Variants in GAL3ST2 observed in about 807,000 individuals in gnomAD.
GAL3ST2 encodes galactose-3-O-sulfotransferase 2, also known as beta-galactose-3-O-sulfotransferase 2.
In GAL3ST2, 16 loss-of-function variants were observed where a neutral mutation model predicts 12.9. The observed-to-expected ratio is 1.24, with a 90% CI of 0.84 to 1.88. GAL3ST2 has a LOEUF of 1.88. Ranked by LOEUF, GAL3ST2 falls within the 40% of genes most tolerant of loss-of-function variation. GAL3ST2 has a pLI of 0.00. For synonymous variants in GAL3ST2, 302 were observed against 273.9 expected, an observed-to-expected ratio of 1.10 and a Z score of -1.01; for missense variants, 639 against 571.8, an observed-to-expected ratio of 1.12 and a Z score of -1.20.
At position 241,793,575 on chromosome 2, in the gene GAL3ST2, ATATG is replaced by A. The variant is rs1274125874; in HGVS notation, c.30-5488_30-5485del. ...TGTATGTATGTGTATATGTGTGCGT[ATATG>A]TGTATGTATGTATATGTGTATATGT... is the stretch of plus-strand genomic sequence containing the variant. On this transcript the variant is annotated intron_variant, in intron 1 of 3. Transcript: ENST00000192314. The surrounding 1 kb of genome is among the most constrained non-coding windows in gnomAD (Gnocchi z 4.7). Among the ~76,000 whole-genome samples the A allele has an allele frequency of 1.4e-4, 20 of 147,040 alleles. No individual in the cohort carries two copies. The highest frequency in any genetic ancestry group is 3.9e-4 in the African/African-American group (15 of 38,402).
rs147929032 is a variant in GAL3ST2 at position 241,793,369 on chromosome 2, A to G, written c.30-5696A>G. Among the ~76,000 whole-genome samples, 7 of 151,772 alleles carry G rather than the reference A, an allele frequency of 4.6e-5. No homozygotes were observed. Among genetic ancestry groups the G allele is most frequent in the South Asian group, 2.1e-4 (1 of 4,792 alleles). On this transcript the variant is annotated intron_variant, in intron 1 of 3. Transcript: ENST00000192314. The surrounding 1 kb of genome is among the most constrained non-coding windows in gnomAD (Gnocchi z 4.7). ...ATGTATGTGTGTGTATTGTGTGTGT[A>G]TGTATGTATTGTGTATGCATGTGTG... is the stretch of plus-strand genomic sequence containing the variant.
In GAL3ST2 at chr2:241,801,828, TC is replaced by T; in HGVS notation, c.169del (p.Leu57Ter). Reference sequence around the variant, plus strand: ...GGGCCGCCGGTCACCAACATCATGTTCCTGAAGACGCACAAGACGGCCAGCA... The same window carrying T: ...GGGCCGCCGGTCACCAACATCATGTTCTGAAGACGCACAAGACGGCCAGCA... Reference protein sequence around the residue: ...AEGPPVTNIMFLKTHKTASST... With the variant: ...AEGPPVTNIMXLKTHKTASST... On this transcript the variant is annotated frameshift_variant, in exon 3 of 4. Coordinates refer to ENST00000192314, the MANE Select transcript of GAL3ST2 (RefSeq NM_022134.3). LOFTEE classifies it high-confidence loss of function. The surrounding 1 kb of genome is among the most constrained non-coding windows in gnomAD (Gnocchi z 4.4). 6.2e-7 allele frequency: 1 copy of T among 1,612,876 alleles called. No individual in the cohort carries two copies. The highest frequency in any genetic ancestry group is 1.3e-5 in the African/African-American group (1 of 75,034).
At chr2:241,783,412 T>TTTCTAATATGAAA (rs1320049374) in intron 1 of GAL3ST2, among the ~76,000 whole-genome samples, 1 of 152,176 alleles carries the variant, frequency 6.6e-6, no homozygotes, top group African/African-American at 2.4e-5. Flanking sequence ...ATTATTTCCC[T>TTTCTAATATGAAA]TTAAGCTTTC....
rs1699868146 is a variant in GAL3ST2 at position 241,802,632 on chromosome 2, C to T, written c.375+596C>T. Among the ~76,000 whole-genome samples, 1 of 28,628 alleles carries T rather than the reference C, an allele frequency of 3.5e-5. No homozygotes were observed. The highest frequency in any genetic ancestry group is 1.2e-3 in the South Asian group (1 of 828). 18.8% of individuals were successfully genotyped at this position (28,628 alleles called of 152,430 possible). On this transcript the variant is annotated intron_variant, in intron 3 of 3. Coordinates refer to ENST00000192314, the MANE Select transcript of GAL3ST2 (RefSeq NM_022134.3). The surrounding 1 kb of genome is among the most constrained non-coding windows in gnomAD (Gnocchi z 4.8). ...GGGGTGTGCTGTGGGGTGGGGGCTG[C>T]GGGGCAGAGGGAGGAGGAGGGGCCG...
Position 241,800,256 on chromosome 2 carries a change from G to A in GAL3ST2, c.119+1102G>A, listed in dbSNP as rs892196985. 2.6e-5 allele frequency among the ~76,000 whole-genome samples: 4 copies of A among 151,850 alleles called. No individual in the cohort carries two copies. The highest frequency in any genetic ancestry group is 1.9e-4 in the East Asian group (1 of 5,162). The stretch of plus-strand genomic sequence containing the variant: ...TCATGACATCTATGAATGTGGAGAG[G>A]ACACTTTGTTTCTTAAAAAGTGTGG... On this transcript the variant is annotated intron_variant, in intron 2 of 3. Coordinates refer to ENST00000192314, the MANE Select transcript of GAL3ST2 (RefSeq NM_022134.3). The surrounding 1 kb of genome is among the most constrained non-coding windows in gnomAD (Gnocchi z 5.2).
At chr2:241,787,396 G>A (rs933091822) in intron 1 of GAL3ST2, among the ~76,000 whole-genome samples, 1 of 152,086 alleles carries the variant, frequency 6.6e-6, no homozygotes, top group Admixed American at 6.6e-5. Flanking sequence ...AAATCTATTG[G>A]TGCTTGGTAT....
At position 241,802,767 on chromosome 2, in the gene GAL3ST2, C is replaced by T. The variant is rs1371915696; in HGVS notation, c.376-578C>T. Among the ~76,000 whole-genome samples, 2 of 152,062 alleles carry T rather than the reference C, an allele frequency of 1.3e-5. No individual in the cohort carries two copies. The highest frequency in any genetic ancestry group is 1.3e-4 in the Admixed American group (2 of 15,282). ...CGGTGTAGTTGGGCGTGACTTTCTG[C>T]AAGACTTTACTTTCTGTGGGTGGGG... On this transcript the variant is annotated intron_variant, in intron 3 of 3. Coordinates refer to ENST00000192314, the MANE Select transcript of GAL3ST2 (RefSeq NM_022134.3). The surrounding 1 kb of genome is among the most constrained non-coding windows in gnomAD (Gnocchi z 4.8).
chr2:241,781,918 C>T (rs1233157183), intron 1 of GAL3ST2, among the ~76,000 whole-genome samples: 1 of 152,250 alleles, frequency 6.6e-6, no homozygotes, highest in East Asian at 1.9e-4. Flanking sequence ...AAGGTGGTAA[C>T]TCAAGGATTT....
At chr2:241,792,009 T>C (rs1411555589) in intron 1 of GAL3ST2, among the ~76,000 whole-genome samples, 2 of 149,486 alleles carry the variant, frequency 1.3e-5, no homozygotes, top group Non-Finnish European at 3.0e-5. Flanking sequence ...TTCTTTTCTT[T>C]CTTTCTTTTT....
chr2:241,793,738 A>G lies in GAL3ST2; in HGVS notation c.30-5327A>G, dbSNP rs1699735338. Among the ~76,000 whole-genome samples the G allele has an allele frequency of 6.7e-6, 1 of 149,950 alleles. No individual in the cohort carries two copies. The highest frequency in any genetic ancestry group is 2.1e-4 in the South Asian group (1 of 4,714). The stretch of plus-strand genomic sequence containing the variant: ...TGTATGCATGTGTGTATGTGTGTAT[A>G]TGTATGTGTGTGTGTATTGTGTATG... On this transcript the variant is annotated intron_variant, in intron 1 of 3. Coordinates refer to ENST00000192314, the MANE Select transcript of GAL3ST2 (RefSeq NM_022134.3). This position sits in a 1 kb window ranked among gnomAD's most constrained non-coding sequence, Gnocchi z 4.7.
intron 1 of GAL3ST2, among the ~76,000 whole-genome samples, chr2:241,797,659 G>C (rs1268015098): frequency 1.3e-5 from 2 of 151,948 alleles, no homozygotes; most frequent in Non-Finnish European, 2.9e-5. Flanking sequence ...CCATGGCAGC[G>C]CAGGAATGGT....
Position 241,794,181 on chromosome 2 carries a change from CAATT to C in GAL3ST2, c.30-4883_30-4880del, listed in dbSNP as rs558662937. Among the ~76,000 whole-genome samples the C allele has an allele frequency of 1.6e-3, 238 of 152,278 alleles. 1 individual carries two copies. Among genetic ancestry groups the C allele is most frequent in the African/African-American group, 5.2e-3 (216 of 41,548 alleles). On this transcript the variant is annotated intron_variant, in intron 1 of 3. Coordinates refer to ENST00000192314, the MANE Select transcript of GAL3ST2 (RefSeq NM_022134.3). ...TAGGCTGGTCTTGAACTCCTTGACTCAATTGATCTTCTCACCTCAGCCTCCCGAA... is the reference window on the plus strand; with the variant it reads ...TAGGCTGGTCTTGAACTCCTTGACTCGATCTTCTCACCTCAGCCTCCCGAA...
At chr2:241,798,792 G>A (rs972500601) in intron 1 of GAL3ST2, among the ~76,000 whole-genome samples, 2 of 152,148 alleles carry the variant, frequency 1.3e-5, no homozygotes, top group East Asian at 3.9e-4. Context: ...GTCAGCTCCC[G>A]AACCCCAGGG....
chr2:241,790,705 C>A (rs1192171351), intron 1 of GAL3ST2, among the ~76,000 whole-genome samples: 1 of 152,210 alleles, frequency 6.6e-6, no homozygotes, highest in Non-Finnish European at 1.5e-5. Context: ...TACAACGTCT[C>A]TTGTGGGAAA....
Position 241,803,514 on chromosome 2 carries a change from G to A in GAL3ST2, c.545G>A (p.Arg182His), listed in dbSNP as rs370282314. 29 of 1,610,894 alleles carry A rather than the reference G, an allele frequency of 1.8e-5. No individual in the cohort carries two copies. The highest frequency in any genetic ancestry group is 2.3e-5 in the Non-Finnish European group (27 of 1,178,982). The change falls in exon 4 of 4, where the codon CGC becomes CAC. Residue 182 changes from arginine (R) to histidine (H), a missense_variant. Arg to His is a conservative substitution (Grantham distance 29, BLOSUM62 0). Coordinates refer to ENST00000192314, the MANE Select transcript of GAL3ST2 (RefSeq NM_022134.3). Reference sequence around the variant, plus strand: ...CCGCGGACGTTCTACAACGACAGCCGCCACCTCAGGAACGTCTACGCCAAG... The same window carrying A: ...CCGCGGACGTTCTACAACGACAGCCACCACCTCAGGAACGTCTACGCCAAG... ...ASPRTFYNDS[R>H]HLRNVYAKNN...
rs142205045 is a variant in GAL3ST2 at position 241,793,388 on chromosome 2, ATG to A, written c.30-5669_30-5668del. Among the ~76,000 whole-genome samples, 3,801 of 151,866 alleles carry A rather than the reference ATG, an allele frequency of 0.025. 77 individuals are homozygous for A. The highest frequency in any genetic ancestry group is 0.083 in the South Asian group (398 of 4,810). On this transcript the variant is annotated intron_variant, in intron 1 of 3. Transcript: ENST00000192314. This position sits in a 1 kb window ranked among gnomAD's most constrained non-coding sequence, Gnocchi z 4.7. ...GTGTGTATGTATGTATTGTGTATGCATGTGTGTGTATATGTATGTATACATGT... is the reference window on the plus strand; with the variant it reads ...GTGTGTATGTATGTATTGTGTATGCATGTGTGTATATGTATGTATACATGT...
chr2:241,791,363 T>C (rs1225158134), intron 1 of GAL3ST2, among the ~76,000 whole-genome samples: 1 of 152,244 alleles, frequency 6.6e-6, no homozygotes, highest in Non-Finnish European at 1.5e-5. Context: ...TTGGAGAAAC[T>C]GGTTACTCCA....
chr2:241,782,563 T>A, intron 1 of GAL3ST2, among the ~76,000 whole-genome samples: 1 of 152,100 alleles, frequency 6.6e-6, no homozygotes, highest in East Asian at 1.9e-4. Context: ...TGACCTCAGG[T>A]GATCCATGTG....
chr2:241,777,862 G>GC (rs1235162062), intron 1 of GAL3ST2, among the ~76,000 whole-genome samples: 1 of 152,144 alleles, frequency 6.6e-6, no homozygotes, highest in Non-Finnish European at 1.5e-5. Context: ...CCAAGCTAGG[G>GC]CCCCCCTGGC....
Sources: gnomAD v4.1 joint callset for allele counts (sites outside exome capture counted in the v4.1 genomes callset) on GRCh38, gnomAD v4.1.1 for gene constraint, Gnocchi (gnomAD v3.1) non-coding constraint, MANE v1.5 for transcripts, NCBI Gene and HGNC (gene_info 2026-07-23, HGNC 2026-07-21) for gene names.